The following THRB variants were observed in gnomAD, a reference collection of about 807,000 sequenced individuals.
The protein encoded by THRB is nuclear receptor subfamily 1 group A member 2.
In THRB, 12 loss-of-function variants were observed where a neutral mutation model predicts 47.8. The observed-to-expected ratio is 0.25, with a 90% CI of 0.16 to 0.41. The LOEUF (loss-of-function observed/expected upper bound fraction) is 0.41. THRB is among the 10% of genes least tolerant of loss of function. The pLI is 1.00. For synonymous variants in THRB, 218 were observed against 212.2 expected, an observed-to-expected ratio of 1.03 and a Z score of -0.24; for missense variants, 348 against 589.2, an observed-to-expected ratio of 0.59 and a Z score of 4.24.
intron 1 of THRB, among the ~76,000 whole-genome samples, chr3:24,413,290 A>C (rs2068466058): frequency 6.6e-6 from 1 of 151,910 alleles, no homozygotes; most frequent in East Asian, 1.9e-4. Context: ...TTGTGTTACA[A>C]TATGAGGTTA....
chr3:24,339,270 A>C (rs991918943), intron 1 of THRB, among the ~76,000 whole-genome samples: 2 of 152,228 alleles, frequency 1.3e-5, no homozygotes, highest in African/African-American at 4.8e-5. Context: ...ATAAGTTTGT[A>C]TACACAGCAT....
At chr3:24,172,929 G>C (rs913290295) in intron 5 of THRB, among the ~76,000 whole-genome samples, 7 of 152,126 alleles carry the variant, frequency 4.6e-5, no homozygotes, top group Non-Finnish European at 1.0e-4. Flanking sequence ...AGCTACAGCA[G>C]CCTTTTACTA....
chr3:24,270,482 C>T (rs550968252), intron 3 of THRB, among the ~76,000 whole-genome samples: 12 of 152,212 alleles, frequency 7.9e-5, no homozygotes, highest in Admixed American at 1.3e-4. Context: ...AGCCTGCAGG[C>T]TTAGGTGCTA....
rs540069860 is a variant in THRB, at chr3:24,195,496, T to C, written c.23-5162A>G. On this transcript the variant is annotated intron_variant, in intron 4 of 10. Transcript: ENST00000646209. ...GTTACTCATTTATATTCATAACAAG[T>C]CTCCTTGCTTTTGCTCTCAGCCACT... Among the ~76,000 whole-genome samples the C allele has an allele frequency of 1.1e-4, 17 of 152,330 alleles. No individual in the cohort carries two copies. The South Asian group carries it at 1.9e-3, about 17-fold the overall frequency.
intron 1 of THRB, among the ~76,000 whole-genome samples, chr3:24,461,771 C>T (rs1258003886): frequency 6.6e-6 from 1 of 152,004 alleles, no homozygotes; most frequent in Non-Finnish European, 1.5e-5. Flanking sequence ...ATACAGCATG[C>T]AAAAATAAGC....
At chr3:24,273,387 G>T (rs2053557189) in intron 3 of THRB, among the ~76,000 whole-genome samples, 1 of 152,094 alleles carries the variant, frequency 6.6e-6, no homozygotes, top group African/African-American at 2.4e-5. Flanking sequence ...TCTCCAATAA[G>T]ATTAAAGTGG....
At chr3:24,479,022 G>C (rs1219625850) in intron 1 of THRB, among the ~76,000 whole-genome samples, 13 of 152,168 alleles carry the variant, frequency 8.5e-5, no homozygotes, top group Admixed American at 8.5e-4. Flanking sequence ...AATGCGGCCG[G>C]GCGCGGGGGT....
chr3:24,146,457 G>A (rs775661393), intron 7 of THRB, among the ~76,000 whole-genome samples: 1 of 152,212 alleles, frequency 6.6e-6, no homozygotes, highest in Non-Finnish European at 1.5e-5. Flanking sequence ...GTTAGGAGGT[G>A]GTATGACAGG....
chr3:24,173,246 C>T (rs896052396), intron 5 of THRB, among the ~76,000 whole-genome samples: 1 of 152,174 alleles, frequency 6.6e-6, no homozygotes, highest in African/African-American at 2.4e-5. Context: ...TCTGTGTCAA[C>T]TTTTCTAGCA....
chr3:24,294,527 T>G (rs2056275027), intron 3 of THRB, among the ~76,000 whole-genome samples: 1 of 152,204 alleles, frequency 6.6e-6, no homozygotes, highest in African/African-American at 2.4e-5. Context: ...CTGGAAGAGA[T>G]ATTTTCCTTC....
rs73825639 is a variant in THRB at position 24,415,173 on chromosome 3, A to G, written c.-260-77802T>C. Among the ~76,000 whole-genome samples the G allele has an allele frequency of 5.2e-3, 793 of 151,986 alleles. 10 individuals are homozygous for G. Among genetic ancestry groups the G allele is most frequent in the African/African-American group, 0.018 (761 of 41,542 alleles). The stretch of plus-strand genomic sequence containing the variant: ...GTTTGGTAAGCTCAGGGTCCCTTCC[A>G]GTAATGCAACTTGCTGCATGTACAG... On this transcript the variant is annotated intron_variant, in intron 1 of 10. Coordinates refer to ENST00000646209, the MANE Select transcript of THRB (RefSeq NM_001354712.2).
At chr3:24,198,049 G>A (rs1473941011) in intron 4 of THRB, among the ~76,000 whole-genome samples, 1 of 152,184 alleles carries the variant, frequency 6.6e-6, no homozygotes, top group African/African-American at 2.4e-5. Flanking sequence ...GCAGGCTCCT[G>A]GCTTGTGTTT....
chr3:24,147,234 C>A (rs2036217089), intron 6 of THRB, among the ~76,000 whole-genome samples: 1 of 151,786 alleles, frequency 6.6e-6, no homozygotes, highest in African/African-American at 2.4e-5. Context: ...GCTCCAAGAC[C>A]AAGAAGAAAG....
At chr3:24,258,875 C>T (rs1246390405) in intron 3 of THRB, among the ~76,000 whole-genome samples, 1 of 152,158 alleles carries the variant, frequency 6.6e-6, no homozygotes, top group Non-Finnish European at 1.5e-5. Flanking sequence ...GACTGGAGGC[C>T]CCAGCTCTTA....
At position 24,234,897 on chromosome 3, in the gene THRB, G is replaced by A. The variant is rs554093265; in HGVS notation, c.-42-5896C>T. ...GACCATGAATGACACTGCAAATGTA[G>A]TTTCAGGCCAGATGGTGAAGAGTCT... On this transcript the variant is annotated intron_variant, in intron 3 of 10. Transcript: ENST00000646209. 5.9e-5 allele frequency among the ~76,000 whole-genome samples: 9 copies of A among 152,324 alleles called. No individual in the cohort carries two copies. In the South Asian group the frequency reaches 1.9e-3, roughly 32 times the overall value.
In THRB at chr3:24,295,822, G is replaced by A. The variant is rs151090197; in HGVS notation, c.-43+1404C>T. On this transcript the variant is annotated intron_variant, in intron 3 of 10. Coordinates refer to ENST00000646209, the MANE Select transcript of THRB (RefSeq NM_001354712.2). ...CTGTCAGGTTCCCTATCTGTAAAGC[G>A]ATGGAATTTATCAAGCACTGTCCAA... Among the ~76,000 whole-genome samples, 320 of 152,298 alleles carry A rather than the reference G, an allele frequency of 2.1e-3. 2 individuals are homozygous for A. Among genetic ancestry groups the A allele is most frequent in the African/African-American group, 7.2e-3 (300 of 41,568 alleles).
chr3:24,287,119 C>A (rs993781463), intron 3 of THRB, among the ~76,000 whole-genome samples: 1 of 152,160 alleles, frequency 6.6e-6, no homozygotes, highest in South Asian at 2.1e-4. Flanking sequence ...CACTTGCAGA[C>A]CCAATGCAGT....
chr3:24,372,918 T>C (rs2065021451), intron 1 of THRB, among the ~76,000 whole-genome samples: 1 of 152,080 alleles, frequency 6.6e-6, no homozygotes, highest in African/African-American at 2.4e-5. Context: ...GAGAGAATGT[T>C]GTGGGCCAAC....
At chr3:24,339,344 TC>T (rs1234097553) in intron 1 of THRB, among the ~76,000 whole-genome samples, 1 of 152,090 alleles carries the variant, frequency 6.6e-6, no homozygotes, top group African/African-American at 2.4e-5. Flanking sequence ...CATAAGGTAA[TC>T]CTCACAATGA....
Sources: gnomAD v4.1 joint callset for allele counts (sites outside exome capture counted in the v4.1 genomes callset) on GRCh38, gnomAD v4.1.1 for gene constraint, MANE v1.5 for transcripts, NCBI Gene and HGNC (gene_info 2026-07-23, HGNC 2026-07-21) for gene names.